MARCHF1: variants seen among roughly 807,000 people sequenced by gnomAD.
MARCHF1 encodes membrane associated ring-CH-type finger 1, also known as E3 ubiquitin-protein ligase MARCHF1.
Under a neutral mutation model 54.2 loss-of-function variants are expected in MARCHF1, and 40 were observed. The observed-to-expected ratio is 0.74, with a 90% confidence interval of 0.57 to 0.96. MARCHF1 has a LOEUF of 0.96. Among genes scored for constraint, MARCHF1 ranks in the 40% least tolerant of loss-of-function variants. MARCHF1 has a pLI of 0.00. For missense variants in MARCHF1, 586 were observed against 656.5 expected, an observed-to-expected ratio of 0.89 and a Z score of 1.17; for synonymous variants, 236 against 236.3, an observed-to-expected ratio of 1.00 and a Z score of 0.01.
At chr4:163,974,402 G>A (rs931188471) in intron 3 of MARCHF1, among the ~76,000 whole-genome samples, 2 of 152,202 alleles carry the variant, frequency 1.3e-5, no homozygotes, top group Non-Finnish European at 2.9e-5. Flanking sequence ...GGGTGTTTCA[G>A]TTGGCAGTCC....
intron 3 of MARCHF1, among the ~76,000 whole-genome samples, chr4:163,963,847 G>A (rs547760569): frequency 5.3e-5 from 8 of 152,022 alleles, no homozygotes; most frequent in Admixed American, 2.0e-4. Context: ...GAAAGTGAGT[G>A]AAGAAACAGT....
chr4:164,189,561 TG>T, intron 1 of MARCHF1: 1 of 914,720 alleles, frequency 1.1e-6, no homozygotes, highest in Non-Finnish European at 1.8e-6. Flanking sequence ...CTGTAGTGCA[TG>T]GTGCTGCTGT....
At chr4:164,284,774 T>C (rs538795360) in intron 1 of MARCHF1, among the ~76,000 whole-genome samples, 78 of 151,142 alleles carry the variant, frequency 5.2e-4, no homozygotes, top group African/African-American at 1.8e-3. Context: ...CTATCTCTTT[T>C]TGACACACAT....
chr4:163,594,251 A>G (rs1027884696), intron 7 of MARCHF1, among the ~76,000 whole-genome samples: 1 of 152,178 alleles, frequency 6.6e-6, no homozygotes, highest in African/African-American at 2.4e-5. Flanking sequence ...GTCAATGCTT[A>G]GAAGTAGGAT....
At chr4:164,239,555 T>C (rs1732665834) in intron 1 of MARCHF1, among the ~76,000 whole-genome samples, 2 of 152,292 alleles carry the variant, frequency 1.3e-5, no homozygotes, top group South Asian at 2.1e-4. Flanking sequence ...TGCTGGATTA[T>C]ACAGTATTCA....
intron 4 of MARCHF1, among the ~76,000 whole-genome samples, chr4:163,754,197 C>T (rs1746600987): frequency 6.6e-6 from 1 of 152,180 alleles, no homozygotes; most frequent in Non-Finnish European, 1.5e-5. Context: ...TTATATTACT[C>T]TTGGTTCAAG....
At chr4:164,333,902 T>A (rs964467866) in intron 1 of MARCHF1, among the ~76,000 whole-genome samples, 9 of 152,120 alleles carry the variant, frequency 5.9e-5, no homozygotes, top group Non-Finnish European at 1.2e-4. Flanking sequence ...GATAAGAAGG[T>A]AAAACAGTCT....
chr4:163,840,559 G>A (rs1324157038), intron 4 of MARCHF1, among the ~76,000 whole-genome samples: 2 of 152,080 alleles, frequency 1.3e-5, no homozygotes, highest in African/African-American at 4.8e-5. Context: ...CCTTGAAAAC[G>A]AGAAGGCAGA....
At chr4:164,137,059 G>C (rs531935552) in intron 1 of MARCHF1, among the ~76,000 whole-genome samples, 1 of 152,246 alleles carries the variant, frequency 6.6e-6, no homozygotes, top group South Asian at 2.1e-4. Flanking sequence ...TAAACAATTT[G>C]TTCATATCTA....
chr4:164,255,326 A>G (rs1198819556), intron 1 of MARCHF1, among the ~76,000 whole-genome samples: 1 of 151,900 alleles, frequency 6.6e-6, no homozygotes, highest in Non-Finnish European at 1.5e-5. Context: ...CTAAAATAAT[A>G]GAAATTATAA....
chr4:163,600,796 G>T (rs568125872), intron 7 of MARCHF1, among the ~76,000 whole-genome samples: 4 of 152,286 alleles, frequency 2.6e-5, no homozygotes, highest in African/African-American at 9.6e-5. Context: ...AACATGGAGA[G>T]GTTTTGATTA....
intron 9 of MARCHF1, among the ~76,000 whole-genome samples, chr4:163,544,127 C>CTGTT (rs1180025162): frequency 6.6e-6 from 1 of 152,150 alleles, no homozygotes; most frequent in Non-Finnish European, 1.5e-5. Flanking sequence ...GTACAGCACA[C>CTGTT]TGTTTGTTAC....
At chr4:164,133,216 C>CA (rs1756337072) in intron 1 of MARCHF1, among the ~76,000 whole-genome samples, 1 of 152,150 alleles carries the variant, frequency 6.6e-6, no homozygotes, top group Non-Finnish European at 1.5e-5. Flanking sequence ...AGGGTGCTCC[C>CA]ATACAGGTGG....
At chr4:164,189,504 G>T in intron 1 of MARCHF1, 2 of 744,120 alleles carry the variant, frequency 2.7e-6, no homozygotes, top group Non-Finnish European at 4.9e-6. Context: ...TGGTTAAAAA[G>T]TCCTTCAATG....
intron 1 of MARCHF1, among the ~76,000 whole-genome samples, chr4:164,303,136 C>A (rs1734607854): frequency 6.6e-6 from 1 of 152,062 alleles, no homozygotes; most frequent in South Asian, 2.1e-4. Context: ...TTCACGGTTT[C>A]CCTCTAGTTT....
At chr4:164,306,468 C>T (rs1021041462) in intron 1 of MARCHF1, among the ~76,000 whole-genome samples, 1 of 152,114 alleles carries the variant, frequency 6.6e-6, no homozygotes, top group South Asian at 2.1e-4. Context: ...TCATCAACCT[C>T]TTGCTCAAAA....
intron 1 of MARCHF1, among the ~76,000 whole-genome samples, chr4:164,181,483 A>G (rs376965459): frequency 1.3e-5 from 2 of 152,342 alleles, no homozygotes; most frequent in East Asian, 3.9e-4. Flanking sequence ...GCTAGGGAAT[A>G]GACAAAGAAA....
At chr4:163,546,032 T>C (rs1282346013) in intron 8 of MARCHF1, among the ~76,000 whole-genome samples, 1 of 151,946 alleles carries the variant, frequency 6.6e-6, no homozygotes, top group Non-Finnish European at 1.5e-5. Context: ...TGGAGTGCAG[T>C]GGCACAATCT....
rs531554003 is a variant in MARCHF1 at position 163,681,214 on chromosome 4, C to T, written c.162+19599G>A. Among the ~76,000 whole-genome samples, 8 of 151,900 alleles carry T rather than the reference C, an allele frequency of 5.3e-5. No homozygotes were observed. The East Asian group carries it at 5.8e-4, about 11-fold the overall frequency. ...ATCTCCCTTTTCCTGACTAGTTTTC[C>T]GACTTTTTTATACCATTAACCATTT... On this transcript the variant is annotated intron_variant, in intron 5 of 9. Coordinates refer to ENST00000514618, the MANE Select transcript of MARCHF1 (RefSeq NM_001394959.1).
Sources: allele counts gnomAD v4.1 joint callset (sites outside exome capture counted in the v4.1 genomes callset), GRCh38; gene constraint gnomAD v4.1.1; transcripts MANE v1.5; gene names NCBI Gene and HGNC (gene_info 2026-07-23, HGNC 2026-07-21).